Variants in TBC1D10A observed in about 807,000 individuals in gnomAD.
TBC1D10A encodes the protein EBP50-PDX interactor of 64 kDa.
TBC1D10A carries 24 observed loss-of-function variants against 52.9 expected under a neutral mutation model. That is an observed-to-expected ratio of 0.45 (90% confidence interval 0.33 to 0.64). TBC1D10A has a LOEUF of 0.64. Among genes scored for constraint, TBC1D10A ranks in the 30% least tolerant of loss-of-function variants. TBC1D10A has a pLI of 0.02. For missense variants in TBC1D10A, 602 were observed against 687.9 expected, an observed-to-expected ratio of 0.88 and a Z score of 1.40; for synonymous variants, 278 against 282.9, an observed-to-expected ratio of 0.98 and a Z score of 0.17.
At position 30,326,810 on chromosome 22, in the gene TBC1D10A, C is replaced by T. The variant is rs753624887; in HGVS notation, c.72G>A (p.Glu24=). The change falls in exon 1 of 9, where the codon GAG becomes GAA. Residue 24 remains glutamate, a synonymous_variant. Transcript: ENST00000215790. The stretch of plus-strand genomic sequence containing the variant: ...CGGCGTCGGGGCCCTGGGCCAGGCT[C>T]TCCCGGGTTCCCGACAGGCTTTCCC... ...AAGESLSGTR[E]SLAQGPDAAT... is the part of the protein sequence containing the mutation. The T allele has an allele frequency of 6.8e-7, 1 of 1,479,168 alleles. No homozygotes were observed. The highest frequency in any genetic ancestry group is 2.7e-5 in the East Asian group (1 of 36,686). The allele number at this position is 1,479,168 out of a possible 1,614,324, so 91.6% of individuals were successfully genotyped here.
At chr22:30,317,452 C>A (rs550721144) in intron 1 of TBC1D10A, among the ~76,000 whole-genome samples, 145 of 152,240 alleles carry the variant, frequency 9.5e-4, no homozygotes, top group South Asian at 3.1e-3. Flanking sequence ...GATTAAGCAA[C>A]TTTCTCAAGG....
intron 1 of TBC1D10A, among the ~76,000 whole-genome samples, chr22:30,321,054 G>A (rs943156538): frequency 3.1e-4 from 47 of 152,168 alleles, no homozygotes; most frequent in African/African-American, 1.0e-3. Context: ...ACATCAAGTA[G>A]GTGCTACCAT....
In TBC1D10A at chr22:30,326,699, G is replaced by C. The variant is rs1930784093; in HGVS notation, c.183C>G (p.Ile61Met). 3 of 1,549,404 alleles carry C rather than the reference G, an allele frequency of 1.9e-6. No homozygotes were observed. Among genetic ancestry groups the C allele is most frequent in the Non-Finnish European group, 2.6e-6 (3 of 1,146,662 alleles). Residue 61 changes from isoleucine to methionine, a missense_variant, in exon 1 of 9, where the codon ATC becomes ATG. Ile to Met is a conservative substitution (Grantham distance 10). This residue lies in a region of TBC1D10A where 201 missense variants were observed against 204.4 expected (regional missense o/e 0.98). Coordinates refer to ENST00000215790, the MANE Select transcript of TBC1D10A (RefSeq NM_031937.3). ...CGCCCTCGGCGCCCTGCGAGCCCAC[G>C]ATGAAGCCGAACTTGTCGATGCGGC... ...AERRIDKFGF[I>M]VGSQGAEGAL...
At chr22:30,320,361 G>T (rs762723582) in intron 1 of TBC1D10A, among the ~76,000 whole-genome samples, 1 of 151,988 alleles carries the variant, frequency 6.6e-6, no homozygotes, top group Non-Finnish European at 1.5e-5. Flanking sequence ...GGAAGGGGGA[G>T]GTAGCCAGAT....
intron 4 of TBC1D10A, 86 bp from the exon 5 acceptor site, chr22:30,295,141 C>T: frequency 1.5e-6 from 2 of 1,328,306 alleles, no homozygotes; most frequent in South Asian, 2.4e-5. Flanking sequence ...ACCAGCCAGC[C>T]TCAGAATCTG....
chr22:30,322,418 A>G (rs929876511), intron 1 of TBC1D10A, among the ~76,000 whole-genome samples: 1 of 152,004 alleles, frequency 6.6e-6, no homozygotes, highest in Non-Finnish European at 1.5e-5. Context: ...TACTACTCAA[A>G]AACAGACAGG....
chr22:30,323,266 G>A (rs1246543145), intron 1 of TBC1D10A, among the ~76,000 whole-genome samples: 2 of 152,184 alleles, frequency 1.3e-5, no homozygotes, highest in Non-Finnish European at 2.9e-5. Context: ...TCCACCGCAG[G>A]CCTGAGGAGA....
At position 30,326,801 on chromosome 22, in the gene TBC1D10A, G is replaced by A. The variant is rs1417864133; in HGVS notation, c.81C>T (p.Ala27=). ...CGGTGGTTGCGGCGTCGGGGCCCTG[G>A]GCCAGGCTCTCCCGGGTTCCCGACA... ...ESLSGTRESL[A]QGPDAATTDE... Residue 27 remains alanine (A), a synonymous_variant, in exon 1 of 9, where the codon GCC becomes GCT. Transcript: ENST00000215790. 4.0e-6 allele frequency: 6 copies of A among 1,490,386 alleles called. No individual in the cohort carries two copies. The highest frequency in any genetic ancestry group is 5.4e-5 in the East Asian group (2 of 36,870). 92.3% of individuals were successfully genotyped at this position (1,490,386 alleles called of 1,614,324 possible). A position where few individuals can be genotyped will look rare whatever the true frequency, so the allele number is the denominator to read the frequency against.
intron 2 of TBC1D10A, among the ~76,000 whole-genome samples, chr22:30,304,325 G>A (rs1341873582): frequency 6.6e-6 from 1 of 152,212 alleles, no homozygotes; most frequent in Non-Finnish European, 1.5e-5. Context: ...ACAATGTTCT[G>A]CATGAATCTG....
In TBC1D10A at chr22:30,299,443, C is replaced by A; in HGVS notation, c.417+1G>T. The A allele has an allele frequency of 6.2e-7, 1 of 1,613,830 alleles. No homozygotes were observed. The highest frequency in any genetic ancestry group is 8.5e-7 in the Non-Finnish European group (1 of 1,179,754). Reference sequence around the variant, plus strand: ...GGCAGGGCAAAGGAAGGGAAACTTACGTCAAACTTTCCAGGGTTCTGCTGT... The same window carrying A: ...GGCAGGGCAAAGGAAGGGAAACTTAAGTCAAACTTTCCAGGGTTCTGCTGT... On this transcript the variant is annotated splice_donor_variant, in intron 3 of 8. Coordinates refer to ENST00000215790, the MANE Select transcript of TBC1D10A (RefSeq NM_031937.3). LOFTEE classifies it high-confidence loss of function.
chr22:30,299,532 T>C lies in TBC1D10A; in HGVS notation c.329A>G (p.Lys110Arg). The C allele has an allele frequency of 6.2e-7, 1 of 1,613,876 alleles. No individual in the cohort carries two copies. Among genetic ancestry groups the C allele is most frequent in the South Asian group, 1.1e-5 (1 of 91,058 alleles). Residue 110 changes from lysine (K) to arginine (R), a missense_variant, in exon 3 of 9, where the codon AAG (lysine) becomes AGG (arginine). Lys to Arg is a conservative substitution (Grantham distance 26). Coordinates refer to ENST00000215790, the MANE Select transcript of TBC1D10A (RefSeq NM_031937.3). ...KHKKIRLRCQKGIPPSLRGRA... is the reference protein window; with the variant it reads ...KHKKIRLRCQRGIPPSLRGRA... ...GCCCCGCAGAGAAGGCGGGATGCCCTTTTGGCACCGCAGACGAATCTGAAA... is the reference window on the plus strand; with the variant it reads ...GCCCCGCAGAGAAGGCGGGATGCCCCTTTGGCACCGCAGACGAATCTGAAA...
chr22:30,313,432 G>A (rs1437732845), intron 1 of TBC1D10A, among the ~76,000 whole-genome samples: 6 of 151,210 alleles, frequency 4.0e-5, no homozygotes, highest in African/African-American at 1.5e-4. Flanking sequence ...CGCCCAGGCT[G>A]GAGTGCAGTG....
At chr22:30,308,141 G>C (rs1400175027) in intron 1 of TBC1D10A, among the ~76,000 whole-genome samples, 1 of 152,232 alleles carries the variant, frequency 6.6e-6, no homozygotes, top group African/African-American at 2.4e-5. Context: ...GTAATGTTAA[G>C]AGTGTTTTAA....
At position 30,299,317 on chromosome 22, in the gene TBC1D10A, C is replaced by A. The variant is rs1385344625; in HGVS notation, c.417+127G>T. The A allele has an allele frequency of 5.4e-6, 5 of 933,404 alleles. No individual in the cohort carries two copies. The Admixed American group carries it at 8.6e-5, about 16-fold the overall frequency. The allele number at this position is 933,404 out of a possible 1,614,324, so 57.8% of individuals were successfully genotyped here. On this transcript the variant is annotated intron_variant, in intron 3 of 8. Transcript: ENST00000215790. ...GCCTGCTGGGGCCTGGGCAGTTGGG[C>A]ACATGACTGGAGGTTTCATGGACTG...
intron 1 of TBC1D10A, among the ~76,000 whole-genome samples, chr22:30,311,140 T>C (rs1210825131): frequency 1.3e-5 from 2 of 152,228 alleles, no homozygotes; most frequent in East Asian, 3.8e-4. Context: ...TGGAGTTCAC[T>C]ACCCTAAGAG....
intron 1 of TBC1D10A, among the ~76,000 whole-genome samples, chr22:30,304,991 C>A (rs1222641516): frequency 6.6e-6 from 1 of 152,210 alleles, no homozygotes; most frequent in East Asian, 1.9e-4. Flanking sequence ...CTTCAGAGGG[C>A]CGGTGTACAA....
At chr22:30,325,969 C>A (rs993094346) in intron 1 of TBC1D10A, among the ~76,000 whole-genome samples, 1 of 152,082 alleles carries the variant, frequency 6.6e-6, no homozygotes, top group Non-Finnish European at 1.5e-5. Flanking sequence ...AGTACCTGCC[C>A]ACCTGTTGCC....
chr22:30,294,129 C>T lies in TBC1D10A; in HGVS notation c.706-19G>A. On this transcript the variant is annotated intron_variant, in intron 6 of 8. Transcript: ENST00000215790. Reference sequence around the variant, plus strand: ...TCGCCTCCTAGGGAGACATCGAGGCCACGGGACCATGACCGTGGGCTGCAG... The same window carrying T: ...TCGCCTCCTAGGGAGACATCGAGGCTACGGGACCATGACCGTGGGCTGCAG... 6.2e-7 allele frequency: 1 copy of T among 1,610,350 alleles called. No individual in the cohort carries two copies. The highest frequency in any genetic ancestry group is 8.5e-7 in the Non-Finnish European group (1 of 1,177,766).
At chr22:30,316,277 G>T (rs778901230) in intron 1 of TBC1D10A, among the ~76,000 whole-genome samples, 19 of 152,070 alleles carry the variant, frequency 1.2e-4, no homozygotes, top group Non-Finnish European at 2.2e-4. Context: ...CTTGAAGCCA[G>T]GAGTTTAAGA....
Sources: allele counts gnomAD v4.1 joint callset (sites outside exome capture counted in the v4.1 genomes callset), GRCh38; gene constraint gnomAD v4.1.1; regional missense constraint gnomAD v4.1.1; transcripts MANE v1.5; gene names NCBI Gene and HGNC (gene_info 2026-07-23, HGNC 2026-07-21).